Variants in CAST observed in about 807,000 individuals in gnomAD.
CAST encodes calpastatin, also known as MIR583 host.
In CAST, 76 loss-of-function variants were observed where a neutral mutation model predicts 119.6. The observed-to-expected ratio is 0.64, with a 90% CI of 0.53 to 0.77. The LOEUF is 0.77. Ranked by LOEUF, CAST falls within the 30% of genes least tolerant of loss-of-function variation. The pLI is 0.00. For missense variants in CAST, 953 were observed against 946.5 expected (o/e 1.01, Z -0.09); for synonymous variants, 319 against 331.6 (o/e 0.96, Z 0.41).
intron 1 of CAST, among the ~76,000 whole-genome samples, chr5:96,596,038 G>A (rs145341920): frequency 1.5e-3 from 227 of 152,304 alleles, no homozygotes; most frequent in African/African-American, 5.3e-3. Context: ...GCTTAGGAGT[G>A]TGAGGTGTAG....
rs1039862320 is a variant in CAST at position 96,631,166 on chromosome 5, A to C, written c.61-44373A>C. ...GACATAAAATCCACCATCTTAAAGC[A>C]AGTTCACTCTGTTGTACAACCATCA... On this transcript the variant is annotated intron_variant, in intron 1 of 11. Transcript: ENST00000505143. 2.1e-5 allele frequency: 3 copies of C among 140,488 alleles called. 1 individual carries two copies. Among genetic ancestry groups the C allele is most frequent in the Non-Finnish European group, 4.8e-5 (3 of 62,496 alleles). 8.7% of individuals were successfully genotyped at this position (140,488 alleles called of 1,614,324 possible).
the CAST span, among the ~76,000 whole-genome samples, chr5:96,188,882 T>A: frequency 2.6e-5 from 4 of 152,230 alleles, no homozygotes; most frequent in Non-Finnish European, 5.9e-5. Context: ...TGTCTTTTAT[T>A]ACACTTTTTA....
At chr5:96,021,689 T>G in the CAST span, among the ~76,000 whole-genome samples, 64 of 152,158 alleles carry the variant, frequency 4.2e-4, no homozygotes, top group Admixed American at 1.5e-3. Context: ...TTTGTAATCC[T>G]CCCTCCTTGG....
chr5:96,665,737 C>T (rs1749238352), intron 1 of CAST, among the ~76,000 whole-genome samples: 1 of 151,228 alleles, frequency 6.6e-6, no homozygotes, highest in South Asian at 2.1e-4. Context: ...CACACACACA[C>T]ACACATACAC....
chr5:96,572,292 C>T lies in CAST; in HGVS notation c.60+42412C>T, dbSNP rs553136918. ...CTCGGCTGACTGCAACCTCTGCCTC[C>T]TGGGTTCGAGCAATTCTCCTACTTC... On this transcript the variant is annotated intron_variant, in intron 1 of 11. Coordinates refer to the CAST transcript ENST00000505143. 3.2e-4 allele frequency among the ~76,000 whole-genome samples: 49 copies of T among 152,208 alleles called. 1 individual carries two copies. The South Asian group carries it at 1.0e-2, about 31-fold the overall frequency.
chr5:96,547,048 A>G (rs140871096), intron 1 of CAST, among the ~76,000 whole-genome samples: 98 of 152,296 alleles, frequency 6.4e-4, no homozygotes, highest in African/African-American at 2.3e-3. Flanking sequence ...ATGGAGGAAA[A>G]TATATTTTCC....
intron 1 of CAST, among the ~76,000 whole-genome samples, chr5:96,534,765 GA>G: frequency 9.5e-6 from 1 of 105,788 alleles, no homozygotes. Flanking sequence ...AAGAAAGAAA[GA>G]AAGAAAGAAA....
the CAST span, among the ~76,000 whole-genome samples, chr5:96,241,818 T>C: frequency 2.0e-5 from 3 of 151,236 alleles, no homozygotes; most frequent in Non-Finnish European, 4.4e-5. Context: ...TGGCCAGTGA[T>C]GGTGAGCATT....
chr5:96,713,477 A>G (rs191882802), intron 3 of CAST, among the ~76,000 whole-genome samples: 1 of 152,236 alleles, frequency 6.6e-6, no homozygotes, highest in African/African-American at 2.4e-5. Flanking sequence ...ATAACCATAT[A>G]TGCTTTAGAT....
At chr5:96,153,080 C>G in the CAST span, among the ~76,000 whole-genome samples, 1 of 152,156 alleles carries the variant, frequency 6.6e-6, no homozygotes, top group Admixed American at 6.5e-5. Flanking sequence ...ATTAAAAGTA[C>G]AAATAAAACG....
chr5:96,495,453 G>A, the CAST span, among the ~76,000 whole-genome samples: 1 of 152,060 alleles, frequency 6.6e-6, no homozygotes, highest in African/African-American at 2.4e-5. Context: ...GATGTGTGAT[G>A]TTCCCCTCCC....
the CAST span, among the ~76,000 whole-genome samples, chr5:96,245,803 G>T: frequency 1.3e-5 from 2 of 152,112 alleles, no homozygotes; most frequent in Non-Finnish European, 2.9e-5. Context: ...CCATGCAGCT[G>T]GGGGGACTTA....
At chr5:96,119,627 C>G in the CAST span, among the ~76,000 whole-genome samples, 1 of 152,124 alleles carries the variant, frequency 6.6e-6, no homozygotes, top group Non-Finnish European at 1.5e-5. Flanking sequence ...AGGAAAGAAA[C>G]TATCTAAAGA....
the CAST span, among the ~76,000 whole-genome samples, chr5:96,147,712 A>AT: frequency 6.6e-6 from 1 of 152,346 alleles, no homozygotes; most frequent in African/African-American, 2.4e-5. Flanking sequence ...TTGAAGACTG[A>AT]TTAAAGAAGC....
the CAST span, among the ~76,000 whole-genome samples, chr5:96,068,352 A>G: frequency 0.64 from 97,468 of 151,738 alleles, 31,688 homozygotes; most frequent in African/African-American, 0.72. Flanking sequence ...CGGAATAAGA[A>G]GCAGGATTCT....
the CAST span, among the ~76,000 whole-genome samples, chr5:96,197,781 GAC>G: frequency 6.6e-6 from 1 of 152,022 alleles, no homozygotes; most frequent in Non-Finnish European, 1.5e-5. Context: ...GTGTGTGTGT[GAC>G]AGTCTTGCTT....
intron 18 of CAST, 117 bp downstream of exon 18, chr5:96,747,509 G>A: frequency 1.7e-6 from 1 of 599,906 alleles, no homozygotes; most frequent in Non-Finnish European, 2.9e-6. Flanking sequence ...ACCTAGTACA[G>A]AGGAAAGGGG....
chr5:96,247,565 T>C, the CAST span, among the ~76,000 whole-genome samples: 1 of 152,234 alleles, frequency 6.6e-6, no homozygotes, highest in Non-Finnish European at 1.5e-5. Flanking sequence ...CCAGCTGGAA[T>C]GGGGAGCAAG....
At chr5:96,470,489 C>A in the CAST span, among the ~76,000 whole-genome samples, 7 of 151,960 alleles carry the variant, frequency 4.6e-5, no homozygotes, top group Admixed American at 4.6e-4. Context: ...TATTCTAAGA[C>A]AACACTGGTG....
Sources: allele counts gnomAD v4.1 joint callset (sites outside exome capture counted in the v4.1 genomes callset), GRCh38; gene constraint gnomAD v4.1.1; transcripts MANE v1.5; gene names NCBI Gene and HGNC (gene_info 2026-07-23, HGNC 2026-07-21).